Variants in ZCWPW2 observed in about 807,000 individuals in gnomAD.
The protein encoded by ZCWPW2 is zinc finger CW-type PWWP domain protein 2.
A neutral mutation model predicts 46.6 loss-of-function variants in ZCWPW2; 45 were observed. The observed-to-expected ratio is 0.96, with a 90% CI of 0.76 to 1.24. The LOEUF is 1.24. Ranked by LOEUF, ZCWPW2 falls within the 50% of genes most tolerant of loss-of-function variation. The pLI, the probability that ZCWPW2 is intolerant of heterozygous loss-of-function variation, is 0.00. For missense variants in ZCWPW2, 429 were observed against 403.9 expected (o/e 1.06, Z -0.53); for synonymous variants, 152 against 137.1 (o/e 1.11, Z -0.76).
At position 28,442,355 on chromosome 3, in the gene ZCWPW2, T is replaced by C. The variant is rs536734830; in HGVS notation, c.492+7086T>C. ...AAGTTCCCTGAATTTTAATTGGATT[T>C]ATTTCCCATCCTCTGGCAAGCAAAT... is the stretch of plus-strand genomic sequence containing the variant. On this transcript the variant is annotated intron_variant, in intron 4 of 9. Coordinates refer to ENST00000383768, the MANE Select transcript of ZCWPW2 (RefSeq NM_001040432.4). Among the ~76,000 whole-genome samples, 3 of 152,348 alleles carry C rather than the reference T, an allele frequency of 2.0e-5. No homozygotes were observed. The South Asian group carries it at 6.2e-4, about 32-fold the overall frequency.
chr3:28,372,043 C>T (rs1160790547), intron 1 of ZCWPW2, among the ~76,000 whole-genome samples: 2 of 151,688 alleles, frequency 1.3e-5, no homozygotes, highest in Non-Finnish European at 2.9e-5. Context: ...TCCTTCTCTT[C>T]CTGCCCCTCC....
At position 28,524,651 on chromosome 3, in the gene ZCWPW2, A is replaced by T. The variant is rs774459996; in HGVS notation, c.1034A>T (p.Lys345Ile). ...GAATGTATTGAGGATATAACTAATA[A>T]ATTTAAAGAAATAGATGCTTTGATG... Reference protein sequence around the residue: ...AGECIEDITNKFKEIDALMSE... With the variant: ...AGECIEDITNIFKEIDALMSE... Residue 345 changes from lysine to isoleucine, a missense_variant, in exon 10 of 10, where the codon AAA becomes ATA. Coordinates refer to ENST00000383768, the MANE Select transcript of ZCWPW2 (RefSeq NM_001040432.4). The T allele has an allele frequency of 8.3e-6, 13 of 1,574,148 alleles. No homozygotes were observed. The highest frequency in any genetic ancestry group is 1.0e-5 in the Non-Finnish European group (12 of 1,160,200).
At chr3:28,440,679 G>T (rs1697713574) in intron 4 of ZCWPW2, among the ~76,000 whole-genome samples, 1 of 152,160 alleles carries the variant, frequency 6.6e-6, no homozygotes, top group Admixed American at 6.5e-5. Context: ...ATAAGCATGA[G>T]CCCACTGCCA....
chr3:28,483,913 C>T (rs940980623), intron 5 of ZCWPW2, among the ~76,000 whole-genome samples: 1 of 152,084 alleles, frequency 6.6e-6, no homozygotes, highest in Non-Finnish European at 1.5e-5. Flanking sequence ...CATAGACAAT[C>T]ATATCATGTG....
At chr3:28,367,616 A>T (rs2125698848) in intron 1 of ZCWPW2, among the ~76,000 whole-genome samples, 2 of 152,294 alleles carry the variant, frequency 1.3e-5, no homozygotes, top group Middle Eastern at 6.8e-3. Context: ...AAGAATGTAT[A>T]TTCTGTTGAT....
chr3:28,481,727 T>C (rs1398243588), intron 5 of ZCWPW2, among the ~76,000 whole-genome samples: 1 of 152,190 alleles, frequency 6.6e-6, no homozygotes, highest in Non-Finnish European at 1.5e-5. Context: ...GAAAACTTTA[T>C]ATTTACAAAA....
chr3:28,359,662 G>T (rs1704866596), intron 1 of ZCWPW2, among the ~76,000 whole-genome samples: 1 of 119,276 alleles, frequency 8.4e-6, no homozygotes, highest in Non-Finnish European at 1.9e-5. Flanking sequence ...TGTAGAACAA[G>T]TTATTCATTG....
At chr3:28,448,375 A>G (rs565019788) in intron 4 of ZCWPW2, among the ~76,000 whole-genome samples, 69 of 152,296 alleles carry the variant, frequency 4.5e-4, no homozygotes, top group Admixed American at 9.2e-4. Context: ...GAATTAACCA[A>G]GGAGATCAAA....
At chr3:28,461,330 A>AT (rs2125788392) in intron 4 of ZCWPW2, among the ~76,000 whole-genome samples, 1 of 152,190 alleles carries the variant, frequency 6.6e-6, no homozygotes, top group East Asian at 1.9e-4. Flanking sequence ...GTTAGGTACC[A>AT]TTTTTTGTAT....
chr3:28,463,328 C>T (rs1698710737), intron 4 of ZCWPW2, among the ~76,000 whole-genome samples: 1 of 151,996 alleles, frequency 6.6e-6, no homozygotes, highest in African/African-American at 2.4e-5. Flanking sequence ...GATCATGATA[C>T]CCACTCCTTC....
chr3:28,440,058 G>T (rs1697685225), intron 4 of ZCWPW2, among the ~76,000 whole-genome samples: 1 of 152,114 alleles, frequency 6.6e-6, no homozygotes, highest in Non-Finnish European at 1.5e-5. Context: ...GCCTGGATTG[G>T]GCTGTTGTAG....
At chr3:28,447,755 G>A in intron 4 of ZCWPW2, 1 of 683,438 alleles carries the variant, frequency 1.5e-6, no homozygotes. Context: ...CCATCGTAGG[G>A]TTTCCTACAA....
Position 28,364,014 on chromosome 3 carries a change from C to T in ZCWPW2, c.-134+14811C>T, listed in dbSNP as rs528795725. On this transcript the variant is annotated intron_variant, in intron 1 of 9. Transcript: ENST00000383768. ...AGCCTATATTTTAAATATAGTCTTC[C>T]TATAATCCATACTGTCCTAATCCAT... Among the ~76,000 whole-genome samples the T allele has an allele frequency of 3.3e-5, 5 of 152,218 alleles. No individual in the cohort carries two copies. The East Asian group carries it at 9.7e-4, about 29-fold the overall frequency.
chr3:28,518,594 G>A (rs916935974), intron 8 of ZCWPW2, among the ~76,000 whole-genome samples: 1 of 152,292 alleles, frequency 6.6e-6, no homozygotes, highest in Non-Finnish European at 1.5e-5. Flanking sequence ...TTGATCAAAA[G>A]GCAGTGTACA....
chr3:28,398,431 G>A (rs1435995061), intron 2 of ZCWPW2, among the ~76,000 whole-genome samples: 1 of 152,126 alleles, frequency 6.6e-6, no homozygotes, highest in Non-Finnish European at 1.5e-5. Flanking sequence ...ATGGTGGACG[G>A]GAGGCAGGAC....
chr3:28,524,138 A>G (rs1201377430), intron 9 of ZCWPW2, among the ~76,000 whole-genome samples: 2 of 152,008 alleles, frequency 1.3e-5, no homozygotes, highest in African/African-American at 4.8e-5. Flanking sequence ...ACTATTTTTA[A>G]GTAATGCAGA....
intron 2 of ZCWPW2, among the ~76,000 whole-genome samples, chr3:28,406,137 G>A (rs949046348): frequency 1.3e-5 from 2 of 152,164 alleles, no homozygotes; most frequent in Non-Finnish European, 2.9e-5. Flanking sequence ...TAATAGTAAA[G>A]TATAAGAGGA....
chr3:28,402,895 G>A (rs528693868), intron 2 of ZCWPW2, among the ~76,000 whole-genome samples: 1 of 152,136 alleles, frequency 6.6e-6, no homozygotes, highest in South Asian at 2.1e-4. Flanking sequence ...AAGGAGCAAA[G>A]TTCAGTGTAA....
chr3:28,482,705 A>C (rs867936041), intron 5 of ZCWPW2, among the ~76,000 whole-genome samples: 5 of 152,158 alleles, frequency 3.3e-5, no homozygotes, highest in Admixed American at 6.5e-5. Flanking sequence ...GTAGGTGTGT[A>C]GTGGCACCTC....
Sources: gnomAD v4.1 joint callset for allele counts (sites outside exome capture counted in the v4.1 genomes callset) on GRCh38, gnomAD v4.1.1 for gene constraint, MANE v1.5 for transcripts, NCBI Gene and HGNC (gene_info 2026-07-23, HGNC 2026-07-21) for gene names.